The following HNRNPUL1 variants were observed in gnomAD, a reference collection of about 807,000 sequenced individuals.
HNRNPUL1 encodes heterogeneous nuclear ribonucleoprotein U-like protein 1.
In HNRNPUL1, 14 loss-of-function variants were observed where a neutral mutation model predicts 108.5. The ratio of observed to expected loss-of-function variants is 0.13; its 90% CI spans 0.09 to 0.20. The LOEUF is 0.20. HNRNPUL1 is among the 10% of genes least tolerant of loss of function. The pLI is 1.00. For missense variants in HNRNPUL1, 804 were observed against 1,168.3 expected, an observed-to-expected ratio of 0.69 and a Z score of 4.55; for synonymous variants, 422 against 445.2, an observed-to-expected ratio of 0.95 and a Z score of 0.66.
chr19:41,291,622 G>A (rs1415129611), intron 7 of HNRNPUL1, among the ~76,000 whole-genome samples: 1 of 152,028 alleles, frequency 6.6e-6, no homozygotes, highest in African/African-American at 2.4e-5. Context: ...GACAGGACTG[G>A]ACCACCTTTT....
chr19:41,291,989 A>C lies in HNRNPUL1; in HGVS notation c.1000-256A>C, dbSNP rs558965269. ...GGTGAGACCCTGTCTCAAAAAAAAAAAAAACAAAAAAAAAAAACTCTTGCT... is the reference window on the plus strand; with the variant it reads ...GGTGAGACCCTGTCTCAAAAAAAAACAAAACAAAAAAAAAAAACTCTTGCT... On this transcript the variant is annotated intron_variant, in intron 7 of 14. Transcript: ENST00000392006. 2.1e-4 allele frequency: 95 copies of C among 456,192 alleles called. 2 individuals carry two copies. Among genetic ancestry groups the C allele is most frequent in the South Asian group, 5.0e-4 (21 of 41,610 alleles). 28.3% of individuals were successfully genotyped at this position (456,192 alleles called of 1,614,324 possible).
intron 12 of HNRNPUL1, 45 bp downstream of exon 12, chr19:41,302,994 T>C (rs1487635307): frequency 1.5e-5 from 23 of 1,504,160 alleles, no homozygotes; most frequent in Non-Finnish European, 2.0e-5. Flanking sequence ...TGTTCCCAGG[T>C]TGGGGCTGGG....
At chr19:41,287,265 C>T (rs1045576880) in intron 7 of HNRNPUL1, among the ~76,000 whole-genome samples, 3 of 152,118 alleles carry the variant, frequency 2.0e-5, no homozygotes, top group East Asian at 1.9e-4. Flanking sequence ...CCGCCCACCT[C>T]GGCCTCCCAG....
chr19:41,305,765 C>T lies in HNRNPUL1; in HGVS notation c.2352C>T (p.Tyr784=). ...CTCCACCTCCACCACCACCTGCCTA[C>T]AACTATGGGAGCTACGGCGGTTACA... is the stretch of plus-strand genomic sequence containing the variant. ...PPPPPPPPPA[Y]NYGSYGGYNP... is the part of the protein sequence containing the mutation. The change falls in exon 14 of 15, where the codon TAC becomes TAT. Residue 784 remains tyrosine, a synonymous_variant. Transcript: ENST00000392006. The T allele has an allele frequency of 4.3e-6, 7 of 1,613,886 alleles. No individual in the cohort carries two copies. The highest frequency in any genetic ancestry group is 5.9e-6 in the Non-Finnish European group (7 of 1,179,832).
intron 7 of HNRNPUL1, chr19:41,286,470 T>C (rs1043030275): frequency 6.6e-6 from 1 of 152,136 alleles, no homozygotes; most frequent in Non-Finnish European, 1.5e-5. Flanking sequence ...CGGTGATCCC[T>C]CTTCTGATCA....
intron 2 of HNRNPUL1, among the ~76,000 whole-genome samples, chr19:41,269,160 AAAG>A (rs985336637): frequency 3.9e-5 from 6 of 151,998 alleles, no homozygotes; most frequent in South Asian, 4.1e-4. Context: ...AAAAAAAAAA[AAAG>A]AAAGTGTGTG....
rs117416869 is a variant in HNRNPUL1, at chr19:41,266,738, A to T, written c.296-1485A>T. 2.8e-3 allele frequency among the ~76,000 whole-genome samples: 431 copies of T among 152,304 alleles called. 10 individuals are homozygous for T. Among genetic ancestry groups the T allele is most frequent in the Admixed American group, 0.023 (359 of 15,304 alleles). On this transcript the variant is annotated intron_variant, in intron 1 of 14. Transcript: ENST00000392006. ...GGCTAAGGGGATAAGGAGAGAAATGAGGTAACAGAAGAGACAGGATTTGGG... is the reference window on the plus strand; with the variant it reads ...GGCTAAGGGGATAAGGAGAGAAATGTGGTAACAGAAGAGACAGGATTTGGG...
Position 41,304,218 on chromosome 19 carries a change from C to G in HNRNPUL1, c.2219C>G (p.Ala740Gly), listed in dbSNP as rs1398703497. ...NKNSNIPGSS[A>G]NTSTPTVSSY... ...AACAGCAACATCCCTGGCTCAAGCG[C>G]CAATACCAGCACCCCCACCGTCAGC... The change falls in exon 13 of 15, where the codon GCC becomes GGC. Residue 740 changes from alanine (A) to glycine (G), a missense_variant. By Grantham distance (60) the Ala-to-Gly change is moderately conservative (BLOSUM62 0). Transcript: ENST00000392006. 6.2e-7 allele frequency: 1 copy of G among 1,613,290 alleles called. No homozygotes were observed. Among genetic ancestry groups the G allele is most frequent in the Non-Finnish European group, 8.5e-7 (1 of 1,179,478 alleles).
chr19:41,272,273 G>T lies in HNRNPUL1; in HGVS notation c.572+38G>T, dbSNP rs756858575. ...GGCAGCAGTCACCCTTGCTCTGGTA[G>T]GTTTCTATATCCATAGCCTCGTGCT... On this transcript the variant is annotated intron_variant, in intron 3 of 14. Coordinates refer to ENST00000392006, the MANE Select transcript of HNRNPUL1 (RefSeq NM_007040.6). 1.9e-6 allele frequency: 3 copies of T among 1,602,490 alleles called. No individual in the cohort carries two copies. The African/African-American group carries it at 4.0e-5, about 22-fold the overall frequency.
chr19:41,283,117 A>G (rs2036001345), intron 7 of HNRNPUL1, among the ~76,000 whole-genome samples: 2 of 152,258 alleles, frequency 1.3e-5, no homozygotes, highest in South Asian at 2.1e-4. Flanking sequence ...TGCATAAAAT[A>G]TAAGTAGGTA....
intron 7 of HNRNPUL1, among the ~76,000 whole-genome samples, chr19:41,283,745 C>T (rs144521242): frequency 6.6e-5 from 10 of 152,204 alleles, no homozygotes; most frequent in Non-Finnish European, 1.0e-4. Context: ...GTGTGAGCCA[C>T]TGCACCTGGC....
chr19:41,267,609 G>A (rs986051375), intron 1 of HNRNPUL1, among the ~76,000 whole-genome samples: 5 of 152,198 alleles, frequency 3.3e-5, no homozygotes, highest in African/African-American at 1.2e-4. Flanking sequence ...CCTCTGAGAA[G>A]GAATCCGATC....
chr19:41,300,955 A>C (rs16975156), intron 10 of HNRNPUL1, among the ~76,000 whole-genome samples: 9,904 of 152,288 alleles, frequency 0.065, 890 homozygotes, highest in African/African-American at 0.19. Flanking sequence ...AATTAGTAGC[A>C]TAGCTAATCT....
chr19:41,264,602 G>A lies in HNRNPUL1; in HGVS notation c.99G>A (p.Leu33=). Residue 33 remains leucine (L), a synonymous_variant, in exon 1 of 15, where the codon CTG becomes CTA. Transcript: ENST00000392006. The stretch of plus-strand genomic sequence containing the variant: ...TCAAGGCCGAGCTTGCTGAGCGGCT[G>A]CAGGCGGCGTTGGAGGCCGAGGAGC... ...RGLKAELAER[L]QAALEAEEPD... is the part of the protein sequence containing the mutation. The A allele has an allele frequency of 6.3e-7, 1 of 1,578,206 alleles. No homozygotes were observed. Among genetic ancestry groups the A allele is most frequent in the Non-Finnish European group, 8.5e-7 (1 of 1,170,152 alleles).
At chr19:41,288,271 G>A (rs529489116) in intron 7 of HNRNPUL1, among the ~76,000 whole-genome samples, 1 of 149,272 alleles carries the variant, frequency 6.7e-6, no homozygotes, top group Admixed American at 6.7e-5. Context: ...TTGAGACAGA[G>A]TTTTGCTCTT....
At chr19:41,300,348 A>G (rs560689138) in intron 10 of HNRNPUL1, among the ~76,000 whole-genome samples, 40 of 151,380 alleles carry the variant, frequency 2.6e-4, no homozygotes, top group Middle Eastern at 3.4e-3. Context: ...CCATTTGTAT[A>G]TACCCCTTTA....
chr19:41,303,931 TG>T, intron 12 of HNRNPUL1, 40 bp from the exon 13 acceptor site: 1 of 1,573,372 alleles, frequency 6.4e-7, no homozygotes, highest in Non-Finnish European at 8.7e-7. Context: ...GGTTGCCATT[TG>T]GGAATGATGG....
chr19:41,279,228 C>T, intron 6 of HNRNPUL1, 52 bp downstream of exon 6: 1 of 1,308,648 alleles, frequency 7.6e-7, no homozygotes. Context: ...TGTCCCTACC[C>T]TTGGATTTTC....
intron 12 of HNRNPUL1, 128 bp from the exon 13 acceptor site, chr19:41,303,844 G>A: frequency 3.5e-6 from 4 of 1,145,748 alleles, no homozygotes; most frequent in Non-Finnish European, 3.7e-6. Context: ...GACATGCTTT[G>A]TTGTTCACCT....
Sources: gnomAD v4.1 joint callset for allele counts (sites outside exome capture counted in the v4.1 genomes callset) on GRCh38, gnomAD v4.1.1 for gene constraint, MANE v1.5 for transcripts, NCBI Gene and HGNC (gene_info 2026-07-23, HGNC 2026-07-21) for gene names.